LRIG2: variants seen among roughly 807,000 people sequenced by gnomAD.
LRIG2 encodes leucine-rich repeats and immunoglobulin-like domains protein 2.
Under a neutral mutation model 107.8 loss-of-function variants are expected in LRIG2, and 93 were observed. The observed-to-expected ratio is 0.86, with a 90% CI of 0.73 to 1.03. The LOEUF is 1.03. Among genes scored for constraint, LRIG2 ranks in the 50% least tolerant of loss-of-function variants. The pLI, the probability that LRIG2 is intolerant of heterozygous loss-of-function variation, is 0.00. For missense variants in LRIG2, 1,226 were observed against 1,296.0 expected, an observed-to-expected ratio of 0.95 and a Z score of 0.83; for synonymous variants, 471 against 470.6, an observed-to-expected ratio of 1.00 and a Z score of -0.01.
Position 113,098,756 on chromosome 1 carries a change from C to A in LRIG2, c.1143C>A (p.Ala381=), listed in dbSNP as rs776893810. ...ISWAIEDASE[A]FAGLTSLTKL... is the part of the protein sequence containing the mutation. ...GGGCCATAGAAGATGCTAGTGAAGC[C>A]TTTGCTGGACTCACAAGTCTCACTA... is the stretch of plus-strand genomic sequence containing the variant. Residue 381 remains alanine (A), a synonymous_variant, in exon 9 of 18, where the codon GCC becomes GCA. Coordinates refer to ENST00000361127, the MANE Select transcript of LRIG2 (RefSeq NM_014813.3). The A allele has an allele frequency of 5.6e-6, 9 of 1,611,628 alleles. No homozygotes were observed. Among genetic ancestry groups the A allele is most frequent in the Non-Finnish European group, 7.6e-6 (9 of 1,177,878 alleles).
intron 1 of LRIG2, among the ~76,000 whole-genome samples, chr1:113,078,592 C>T (rs1039878749): frequency 1.3e-5 from 2 of 151,516 alleles, no homozygotes; most frequent in Non-Finnish European, 2.9e-5. Flanking sequence ...ACCTGTATTT[C>T]ATATTTCCTT....
intron 15 of LRIG2, 116 bp downstream of exon 15, chr1:113,114,992 C>T: frequency 1.1e-6 from 1 of 881,550 alleles, no homozygotes; most frequent in Non-Finnish European, 1.7e-6. Context: ...GCCTGTACTC[C>T]CAGCTACTCA....
intron 1 of LRIG2, among the ~76,000 whole-genome samples, chr1:113,078,401 G>C (rs1377377366): frequency 6.6e-6 from 1 of 151,838 alleles, no homozygotes; most frequent in African/African-American, 2.4e-5. Context: ...ACCACGCCAG[G>C]CTAATTTTTG....
At position 113,128,353 on chromosome 1, in the gene LRIG2, T is replaced by A. The variant is rs946222540; in HGVS notation, c.*4252T>A. The A allele has an allele frequency of 6.6e-6, 1 of 152,188 alleles. No individual in the cohort carries two copies. Among genetic ancestry groups the A allele is most frequent in the African/African-American group, 2.4e-5 (1 of 41,450 alleles). The allele number at this position is 152,188 out of a possible 1,614,324, so 9.4% of individuals were successfully genotyped here. The stretch of plus-strand genomic sequence containing the variant: ...GATTATGGTGTAGTTTGTACTAGAC[T>A]GACTCATTAAGACCTTGTACGCTTC... On this transcript the variant is annotated 3_prime_UTR_variant, in exon 18 of 18. Coordinates refer to ENST00000361127, the MANE Select transcript of LRIG2 (RefSeq NM_014813.3).
At chr1:113,092,810 G>A (rs368694992) in intron 2 of LRIG2, among the ~76,000 whole-genome samples, 37 of 152,022 alleles carry the variant, frequency 2.4e-4, no homozygotes, top group East Asian at 1.9e-4. Context: ...GGCCAACATG[G>A]TGAAACCTGT....
Position 113,094,766 on chromosome 1 carries a change from G to C in LRIG2, c.803+11G>C. On this transcript the variant is annotated intron_variant, in intron 6 of 17. Transcript: ENST00000361127. The stretch of plus-strand genomic sequence containing the variant: ...TAACATGGAAGAACTGTAAGTACTC[G>C]GGACTAGAGGTGATTATTAGGAAAG... 1 of 1,606,500 alleles carries C rather than the reference G, an allele frequency of 6.2e-7. No homozygotes were observed. The highest frequency in any genetic ancestry group is 1.1e-5 in the South Asian group (1 of 90,562).
intron 13 of LRIG2, among the ~76,000 whole-genome samples, chr1:113,112,259 C>G (rs777403012): frequency 6.6e-6 from 1 of 152,140 alleles, no homozygotes; most frequent in Non-Finnish European, 1.5e-5. Context: ...CGCCAGTGTA[C>G]TCCCGCCTGG....
chr1:113,112,377 T>C (rs748845180), intron 13 of LRIG2, 102 bp from the exon 14 acceptor site: 16 of 971,570 alleles, frequency 1.6e-5, no homozygotes, highest in Admixed American at 9.1e-5. Context: ...AATGGAACAT[T>C]AGGGGGTGTC....
At chr1:113,113,960 CA>C (rs1257186923) in intron 14 of LRIG2, among the ~76,000 whole-genome samples, 1 of 152,166 alleles carries the variant, frequency 6.6e-6, no homozygotes, top group African/African-American at 2.4e-5. Flanking sequence ...AATATACCTA[CA>C]TTTTTTTCAT....
At chr1:113,105,749 AAC>A (rs1259232823) in intron 11 of LRIG2, among the ~76,000 whole-genome samples, 3 of 152,220 alleles carry the variant, frequency 2.0e-5, no homozygotes, top group Non-Finnish European at 4.4e-5. Flanking sequence ...CCTGTCTCAA[AAC>A]ACAGTTGCGT....
chr1:113,102,223 C>G lies in LRIG2; in HGVS notation c.1313+1735C>G, dbSNP rs576075158. Among the ~76,000 whole-genome samples the G allele has an allele frequency of 4.0e-5, 6 of 151,872 alleles. No homozygotes were observed. In the East Asian group the frequency reaches 1.2e-3, roughly 29 times the overall value. ...CTACAATTTTTTTGATATTAATCAT[C>G]TTATTTCTCATTAGTCGTTCTCTTC... On this transcript the variant is annotated intron_variant, in intron 11 of 17. Coordinates refer to ENST00000361127, the MANE Select transcript of LRIG2 (RefSeq NM_014813.3).
intron 11 of LRIG2, chr1:113,103,685 A>C (rs1229920492): frequency 6.5e-6 from 1 of 153,690 alleles, no homozygotes; most frequent in African/African-American, 2.4e-5. Context: ...CCAAGTGTGC[A>C]CCTTTGAAGC....
chr1:113,123,574 C>A (rs1279540034), intron 17 of LRIG2, among the ~76,000 whole-genome samples: 1 of 151,772 alleles, frequency 6.6e-6, no homozygotes, highest in Non-Finnish European at 1.5e-5. Flanking sequence ...AACTCCATCT[C>A]AAAAAAATAA....
intron 1 of LRIG2, among the ~76,000 whole-genome samples, chr1:113,083,217 ACTTT>A (rs1251264212): frequency 1.4e-3 from 122 of 86,802 alleles, no homozygotes; most frequent in South Asian, 3.1e-3. Context: ...GCTACTGCAC[ACTTT>A]TTTTTTTTTT....
intron 1 of LRIG2, among the ~76,000 whole-genome samples, chr1:113,087,955 T>G (rs1488829742): frequency 6.6e-6 from 1 of 152,212 alleles, no homozygotes; most frequent in Non-Finnish European, 1.5e-5. Context: ...ACCCTAGCGC[T>G]TAGTCCACTG....
intron 17 of LRIG2, 148 bp from the exon 18 acceptor site, chr1:113,123,727 T>TTTTTG (rs1437564600): frequency 1.7e-6 from 1 of 580,736 alleles, no homozygotes; most frequent in African/African-American, 2.0e-5. Context: ...GTGGTGGTTT[T>TTTTTG]TGTGTGTGTG....
chr1:113,089,493 A>G (rs1168262712), intron 1 of LRIG2, among the ~76,000 whole-genome samples: 5 of 152,266 alleles, frequency 3.3e-5, no homozygotes, highest in South Asian at 4.1e-4. Context: ...GCCTGTTTCC[A>G]TATTAGGAAA....
intron 11 of LRIG2, among the ~76,000 whole-genome samples, chr1:113,102,278 AT>A (rs1557909389): frequency 6.2e-5 from 9 of 144,860 alleles, no homozygotes; most frequent in East Asian, 2.0e-4. Context: ...TTTTTAATTT[AT>A]TTTTTTTTTG....
intron 11 of LRIG2, among the ~76,000 whole-genome samples, chr1:113,106,162 A>G (rs1654530985): frequency 6.6e-6 from 1 of 151,824 alleles, no homozygotes; most frequent in Non-Finnish European, 1.5e-5. Context: ...CGGGAGGCGG[A>G]GGTTGCAGTG....
Sources: allele counts gnomAD v4.1 joint callset (sites outside exome capture counted in the v4.1 genomes callset), GRCh38; gene constraint gnomAD v4.1.1; transcripts MANE v1.5; gene names NCBI Gene and HGNC (gene_info 2026-07-23, HGNC 2026-07-21).